Variants in CCDC81 observed in about 807,000 individuals in gnomAD.
CCDC81 encodes coiled-coil domain-containing protein 81.
A neutral mutation model predicts 83.7 loss-of-function variants in CCDC81; 79 were observed. That is an observed-to-expected ratio of 0.94 (90% CI 0.79 to 1.14). The LOEUF (loss-of-function observed/expected upper bound fraction) is 1.14, where lower values mean the gene tolerates loss of function less well. Among genes scored for constraint, CCDC81 ranks in the 50% most tolerant of loss-of-function variants. The probability of loss-of-function intolerance (pLI) is 0.00; values close to 1 mark genes in which losing one functional copy is unlikely to be tolerated. For synonymous variants in CCDC81, 252 were observed against 278.1 expected (o/e 0.91, Z 0.93); for missense variants, 791 against 778.1 (o/e 1.02, Z -0.20).
intron 4 of CCDC81, 141 bp downstream of exon 4, chr11:86,392,938 A>ACTTGATTAACT (rs1948354177): frequency 1.1e-6 from 1 of 892,160 alleles, no homozygotes; most frequent in Non-Finnish European, 1.7e-6. Context: ...GCTTGTTTAT[A>ACTTGATTAACT]CTTGATTAAC....
intron 1 of CCDC81, among the ~76,000 whole-genome samples, chr11:86,383,847 C>T (rs1263344343): frequency 6.6e-6 from 1 of 152,198 alleles, no homozygotes; most frequent in Non-Finnish European, 1.5e-5. Flanking sequence ...GCATAGTTTT[C>T]TTTCTCTTCA....
chr11:86,388,865 C>A (rs1204142236), intron 3 of CCDC81, among the ~76,000 whole-genome samples: 1 of 152,146 alleles, frequency 6.6e-6, no homozygotes, highest in East Asian at 1.9e-4. Flanking sequence ...AATTAAAGCT[C>A]ATTTTCTATC....
chr11:86,408,041 C>A, intron 8 of CCDC81, 86 bp from the exon 9 acceptor site: 1 of 1,366,984 alleles, frequency 7.3e-7, no homozygotes, highest in Non-Finnish European at 1.0e-6. Context: ...CTTGATATAC[C>A]TAGCCTTTGG....
At chr11:86,380,797 T>C (rs1272378791) in intron 1 of CCDC81, among the ~76,000 whole-genome samples, 1 of 152,216 alleles carries the variant, frequency 6.6e-6, no homozygotes, top group African/African-American at 2.4e-5. Flanking sequence ...TTTCTTAGGA[T>C]TTCAATCTCT....
chr11:86,411,736 G>A (rs12270471), intron 10 of CCDC81, among the ~76,000 whole-genome samples: 13,239 of 152,242 alleles, frequency 0.087, 1,086 homozygotes, highest in African/African-American at 0.21. Context: ...TGGGATTCCA[G>A]TTGAAACTGA....
At chr11:86,410,704 G>T (rs1202545146) in intron 10 of CCDC81, among the ~76,000 whole-genome samples, 1 of 152,082 alleles carries the variant, frequency 6.6e-6, no homozygotes, top group Non-Finnish European at 1.5e-5. Context: ...AATTTAAAAA[G>T]ACCTAAACAG....
intron 5 of CCDC81, 95 bp downstream of exon 5, chr11:86,395,508 A>C (rs1593919558): frequency 1.8e-5 from 17 of 942,874 alleles, no homozygotes; most frequent in Non-Finnish European, 2.4e-5. Flanking sequence ...TTTGTAGCTC[A>C]TGTTCCTTTT....
chr11:86,402,013 T>C (rs767212567), intron 7 of CCDC81, among the ~76,000 whole-genome samples: 5 of 151,446 alleles, frequency 3.3e-5, no homozygotes, highest in Non-Finnish European at 5.9e-5. Context: ...TGAGCGCCTG[T>C]AATCCCAGCT....
rs1593921851 is a variant in CCDC81 at position 86,397,736 on chromosome 11, A to C, written c.751A>C (p.Thr251Pro). 3 of 1,612,890 alleles carry C rather than the reference A, an allele frequency of 1.9e-6. No homozygotes were observed. The highest frequency in any genetic ancestry group is 2.5e-6 in the Non-Finnish European group (3 of 1,179,474). ...LKDQSDKEEGTRDISSPKRLR... is the reference protein window; with the variant it reads ...LKDQSDKEEGPRDISSPKRLR... ...AGACCAGTCAGACAAAGAAGAAGGC[A>C]CCAGAGGTAGGCCAATGATTTCTGG... Residue 251 changes from threonine (T) to proline (P), a missense_variant, in exon 6 of 15, where the codon ACC (threonine) becomes CCC (proline). Coordinates refer to ENST00000445632, the MANE Select transcript of CCDC81 (RefSeq NM_001156474.2).
intron 4 of CCDC81, 55 bp downstream of exon 4, chr11:86,392,852 T>C (rs1948352518): frequency 1.3e-6 from 2 of 1,496,390 alleles, no homozygotes; most frequent in Non-Finnish European, 8.9e-7. Flanking sequence ...TTCTGACTCA[T>C]CTATAGGTGT....
intron 10 of CCDC81, among the ~76,000 whole-genome samples, chr11:86,412,094 C>A (rs1450760362): frequency 6.6e-6 from 1 of 152,200 alleles, no homozygotes. Flanking sequence ...GGCTACAGCA[C>A]CCAATTAAAT....
At chr11:86,384,312 G>A (rs77611544) in intron 1 of CCDC81, among the ~76,000 whole-genome samples, 13,651 of 152,116 alleles carry the variant, frequency 0.09, 1,378 homozygotes, top group African/African-American at 0.25. Context: ...TATGGGCTGT[G>A]GGGGTGGGGA....
intron 10 of CCDC81, 127 bp from the exon 11 acceptor site, chr11:86,412,260 C>T (rs1421074489): frequency 1.4e-6 from 1 of 698,370 alleles, no homozygotes; most frequent in Non-Finnish European, 2.4e-6. Context: ...ACCAGCTGGT[C>T]CGTGTGTTGA....
intron 8 of CCDC81, 71 bp downstream of exon 8, chr11:86,407,772 G>T (rs1948582564): frequency 6.1e-6 from 7 of 1,145,878 alleles, no homozygotes; most frequent in South Asian, 5.4e-5. Flanking sequence ...AGAGAGTTCT[G>T]GGAATCTCTC....
At chr11:86,382,155 G>A (rs1948185386) in intron 1 of CCDC81, among the ~76,000 whole-genome samples, 1 of 152,176 alleles carries the variant, frequency 6.6e-6, no homozygotes, top group Admixed American at 6.5e-5. Flanking sequence ...GCCATTAAGT[G>A]TTTTGAGCTG....
chr11:86,422,613 G>A lies in CCDC81; in HGVS notation c.1857G>A (p.Lys619=), dbSNP rs918091240. 18 of 1,613,832 alleles carry A rather than the reference G, an allele frequency of 1.1e-5. No individual in the cohort carries two copies. The highest frequency in any genetic ancestry group is 4.0e-5 in the African/African-American group (3 of 74,908). ...TGTTTCTCCTAGACCAGTGTGAGAA[G>A]TATCGGCGCTGCAAGCAATGCCAGA... ...DKLFLLDQCE[K]YRRCKQCQRR... Residue 619 remains lysine, a synonymous_variant, in exon 15 of 15, where the codon AAG becomes AAA. Transcript: ENST00000445632.
intron 1 of CCDC81, among the ~76,000 whole-genome samples, chr11:86,380,990 T>G (rs1216519074): frequency 2.0e-5 from 3 of 152,198 alleles, no homozygotes; most frequent in Non-Finnish European, 2.9e-5. Context: ...GCCTTGTAAT[T>G]TTTTCTTGAT....
At chr11:86,395,902 C>T (rs550587042) in intron 5 of CCDC81, among the ~76,000 whole-genome samples, 2 of 152,306 alleles carry the variant, frequency 1.3e-5, no homozygotes, top group South Asian at 2.1e-4. Flanking sequence ...AAATTACAGG[C>T]GTGAGCCACC....
intron 1 of CCDC81, among the ~76,000 whole-genome samples, chr11:86,381,751 G>A (rs1243637179): frequency 3.9e-5 from 6 of 152,156 alleles, no homozygotes; most frequent in Admixed American, 1.3e-4. Flanking sequence ...GGATGGAGTG[G>A]TGACTTCCTT....
Sources: gnomAD v4.1 joint callset for allele counts (sites outside exome capture counted in the v4.1 genomes callset) on GRCh38, gnomAD v4.1.1 for gene constraint, MANE v1.5 for transcripts, NCBI Gene and HGNC (gene_info 2026-07-23, HGNC 2026-07-21) for gene names.